The following MYO10 variants were observed in gnomAD, a reference collection of about 807,000 sequenced individuals.
The protein encoded by MYO10 is myosin X.
MYO10 carries 133 observed loss-of-function variants against 257.3 expected under a neutral mutation model. That is an observed-to-expected ratio of 0.52 (90% CI 0.45 to 0.60). The LOEUF (loss-of-function observed/expected upper bound fraction) is 0.60, where lower values mean the gene tolerates loss of function less well. Ranked by LOEUF, MYO10 falls within the 20% of genes least tolerant of loss-of-function variation. The pLI is 0.00. For synonymous variants in MYO10, 1,104 were observed against 1,028.6 expected, an observed-to-expected ratio of 1.07 and a Z score of -1.40; for missense variants, 2,399 against 2,635.7, an observed-to-expected ratio of 0.91 and a Z score of 1.97.
intron 1 of MYO10, among the ~76,000 whole-genome samples, chr5:16,903,099 TGTGA>T (rs1745429441): frequency 6.6e-6 from 1 of 152,230 alleles, no homozygotes; most frequent in South Asian, 2.1e-4. Flanking sequence ...TAAAACACCC[TGTGA>T]GTGAGTAACT....
intron 1 of MYO10, among the ~76,000 whole-genome samples, chr5:16,884,205 T>C (rs952996596): frequency 6.6e-6 from 1 of 152,106 alleles, no homozygotes; most frequent in South Asian, 2.1e-4. Context: ...AGCCTGGGCA[T>C]CCTGGAGAGA....
At chr5:16,676,995 A>G (rs894007318) in intron 33 of MYO10, among the ~76,000 whole-genome samples, 1 of 152,198 alleles carries the variant, frequency 6.6e-6, no homozygotes, top group African/African-American at 2.4e-5. Flanking sequence ...TCTATACCTG[A>G]AAACTACACA....
At chr5:16,758,807 T>C (rs981084292) in intron 17 of MYO10, among the ~76,000 whole-genome samples, 1 of 152,174 alleles carries the variant, frequency 6.6e-6, no homozygotes, top group Non-Finnish European at 1.5e-5. Context: ...AGAACATGCA[T>C]GTAAAAGGCA....
chr5:16,732,833 G>T (rs1232787574), intron 19 of MYO10, among the ~76,000 whole-genome samples: 1 of 152,124 alleles, frequency 6.6e-6, no homozygotes, highest in East Asian at 1.9e-4. Context: ...TTATAATGCT[G>T]CATTAACGGT....
intron 19 of MYO10, among the ~76,000 whole-genome samples, chr5:16,734,710 CAGG>C (rs1327458130): frequency 1.3e-5 from 2 of 151,734 alleles, no homozygotes; most frequent in Non-Finnish European, 2.9e-5. Flanking sequence ...GAGGCTAAGG[CAGG>C]AGAATCACTT....
At chr5:16,795,876 T>C (rs1741923210) in intron 3 of MYO10, among the ~76,000 whole-genome samples, 2 of 152,022 alleles carry the variant, frequency 1.3e-5, no homozygotes, top group African/African-American at 2.4e-5. Context: ...TTTTAAAAGA[T>C]AACGTGACCA....
At chr5:16,894,891 G>A (rs1311674394) in intron 1 of MYO10, among the ~76,000 whole-genome samples, 1 of 152,172 alleles carries the variant, frequency 6.6e-6, no homozygotes, top group Non-Finnish European at 1.5e-5. Flanking sequence ...AATTAGCCAA[G>A]TGCCAGTGTA....
intron 19 of MYO10, among the ~76,000 whole-genome samples, chr5:16,715,999 T>C (rs1448667749): frequency 6.6e-6 from 1 of 150,480 alleles, no homozygotes; most frequent in Non-Finnish European, 1.5e-5. Flanking sequence ...GAGGTTGCAG[T>C]GAGCTGAGAT....
intron 2 of MYO10, among the ~76,000 whole-genome samples, chr5:16,873,419 G>A (rs539094229): frequency 7.9e-5 from 12 of 152,278 alleles, no homozygotes; most frequent in South Asian, 2.1e-4. Flanking sequence ...ATGGGCTGGC[G>A]TTGAGTGTCT....
At chr5:16,853,373 CA>C (rs5866209) in intron 2 of MYO10, among the ~76,000 whole-genome samples, 115 of 129,282 alleles carry the variant, frequency 8.9e-4, no homozygotes, top group Admixed American at 7.8e-4. Context: ...GACTCCGTCT[CA>C]AAAAAAAAAA....
Position 16,679,938 on chromosome 5 carries a change from T to G in MYO10, c.4542+9A>C. On this transcript the variant is annotated intron_variant, in intron 33 of 40. Coordinates refer to ENST00000513610, the MANE Select transcript of MYO10 (RefSeq NM_012334.3). The stretch of plus-strand genomic sequence containing the variant: ...AATCACCCACCTTGATGGGCTTGTC[T>G]TGGCTTACCTTGATATCTTGAATCA... 1 of 1,612,978 alleles carries G rather than the reference T, an allele frequency of 6.2e-7. No homozygotes were observed. The highest frequency in any genetic ancestry group is 8.5e-7 in the Non-Finnish European group (1 of 1,179,276).
chr5:16,898,144 C>A (rs1430668968), intron 1 of MYO10, among the ~76,000 whole-genome samples: 1 of 152,012 alleles, frequency 6.6e-6, no homozygotes, highest in Non-Finnish European at 1.5e-5. Flanking sequence ...GCTCACAGGG[C>A]CCCAGGGATA....
At chr5:16,896,653 T>C (rs574121238) in intron 1 of MYO10, among the ~76,000 whole-genome samples, 3 of 152,262 alleles carry the variant, frequency 2.0e-5, no homozygotes, top group African/African-American at 7.2e-5. Flanking sequence ...CCCCTGTCTT[T>C]ACAGCAGAAT....
chr5:16,815,574 C>T, intron 3 of MYO10: 1 of 643,022 alleles, frequency 1.6e-6, no homozygotes, highest in Non-Finnish European at 2.8e-6. Context: ...TATTGCACAA[C>T]TACCAGGTGC....
intron 1 of MYO10, among the ~76,000 whole-genome samples, chr5:16,928,114 T>A (rs1348774022): frequency 7.2e-5 from 11 of 152,204 alleles, no homozygotes; most frequent in Admixed American, 7.2e-4. Flanking sequence ...CAGCTGGAAT[T>A]AGGGAAACAA....
At chr5:16,761,634 A>T (rs1218703418) in intron 16 of MYO10, 88 bp from the exon 17 acceptor site, 1 of 945,180 alleles carries the variant, frequency 1.1e-6, no homozygotes, top group Admixed American at 2.1e-5. Flanking sequence ...CACAAAAAGA[A>T]ATCATTCCAA....
chr5:16,747,768 A>C (rs932569147), intron 19 of MYO10, among the ~76,000 whole-genome samples: 1 of 151,760 alleles, frequency 6.6e-6, no homozygotes, highest in Non-Finnish European at 1.5e-5. Context: ...AAATACAAAA[A>C]ATTAGCCGTG....
chr5:16,757,892 T>C (rs1466199162), intron 18 of MYO10, among the ~76,000 whole-genome samples: 1 of 152,202 alleles, frequency 6.6e-6, no homozygotes, highest in African/African-American at 2.4e-5. Context: ...TTTGAACCCC[T>C]GAGCTCAGGT....
intron 29 of MYO10, among the ~76,000 whole-genome samples, chr5:16,684,984 T>TGCAGTGAACTGAGATCTC (rs1737181396): frequency 6.6e-6 from 1 of 151,802 alleles, no homozygotes; most frequent in East Asian, 1.9e-4. Flanking sequence ...AGGCGGAGGT[T>TGCAGTGAACTGAGATCTC]GCAGTGAACT....
Sources: allele counts gnomAD v4.1 joint callset (sites outside exome capture counted in the v4.1 genomes callset), GRCh38; gene constraint gnomAD v4.1.1; transcripts MANE v1.5; gene names NCBI Gene and HGNC (gene_info 2026-07-23, HGNC 2026-07-21).